The following SNX24 variants were observed in gnomAD, a reference collection of about 807,000 sequenced individuals.
The protein encoded by SNX24 is sorting nexin-24.
In SNX24, 22 loss-of-function variants were observed where a neutral mutation model predicts 28.7. That is an observed-to-expected ratio of 0.77 (90% CI 0.55 to 1.10). The LOEUF (loss-of-function observed/expected upper bound fraction) is 1.10, where lower values mean the gene tolerates loss of function less well. Among genes scored for constraint, SNX24 ranks in the 50% least tolerant of loss-of-function variants. The pLI is 0.00. For synonymous variants in SNX24, 69 were observed against 71.5 expected, an observed-to-expected ratio of 0.96 and a Z score of 0.18; for missense variants, 221 against 201.1, an observed-to-expected ratio of 1.10 and a Z score of -0.60.
chr5:122,965,433 C>T (rs942724329), intron 3 of SNX24: 1 of 455,002 alleles, frequency 2.2e-6, no homozygotes, highest in Non-Finnish European at 4.4e-6. Flanking sequence ...TTGTTTTGTT[C>T]CCTCCCAAGA....
intron 3 of SNX24, among the ~76,000 whole-genome samples, chr5:122,965,930 C>G (rs1030244631): frequency 6.6e-6 from 1 of 152,126 alleles, no homozygotes; most frequent in Non-Finnish European, 1.5e-5. Flanking sequence ...GCAATTAGTT[C>G]TAGATTTCTT....
At chr5:122,943,665 A>G (rs1337719269) in intron 2 of SNX24, among the ~76,000 whole-genome samples, 1 of 152,142 alleles carries the variant, frequency 6.6e-6, no homozygotes, top group Non-Finnish European at 1.5e-5. Flanking sequence ...GGTCCTAGCC[A>G]TGTGGCTCTC....
At chr5:122,947,452 T>TAGG (rs1181615673) in intron 3 of SNX24, among the ~76,000 whole-genome samples, 3 of 152,158 alleles carry the variant, frequency 2.0e-5, no homozygotes, top group Non-Finnish European at 4.4e-5. Flanking sequence ...AGTGCTCTAA[T>TAGG]AGGAAAGCTG....
chr5:122,974,251 A>G lies in SNX24; in HGVS notation c.250-25661A>G, dbSNP rs560899128. Among the ~76,000 whole-genome samples, 152 of 152,124 alleles carry G rather than the reference A, an allele frequency of 1.0e-3. 2 individuals are homozygous for G. Among genetic ancestry groups the G allele is most frequent in the African/African-American group, 3.6e-3 (150 of 41,500 alleles). On this transcript the variant is annotated intron_variant, in intron 3 of 6. Transcript: ENST00000261369. ...GAATTTTAGTCAGATTTATTTCTCA[A>G]CCTCTGGCATGCAAGTGTCTCACCA...
rs1219661976 is a variant in SNX24 at position 122,887,861 on chromosome 5, C to A, written c.60+42168C>A. On this transcript the variant is annotated intron_variant, in intron 1 of 6. Transcript: ENST00000261369. ...GGGATTACAAGCACCTGTTACCATG[C>A]CCAGTTAATTTTTATATTTTCAGTA... Among the ~76,000 whole-genome samples the A allele has an allele frequency of 3.3e-5, 5 of 152,256 alleles. No individual in the cohort carries two copies. In the East Asian group the frequency reaches 9.6e-4, roughly 29 times the overall value.
At chr5:122,984,924 G>A (rs987337183) in intron 3 of SNX24, among the ~76,000 whole-genome samples, 6 of 151,064 alleles carry the variant, frequency 4.0e-5, no homozygotes, top group South Asian at 2.1e-4. Flanking sequence ...ATGAAAAAAC[G>A]AAAAAGAAAA....
intron 3 of SNX24, among the ~76,000 whole-genome samples, chr5:122,957,280 C>G (rs1760254753): frequency 6.6e-6 from 1 of 152,170 alleles, no homozygotes; most frequent in Non-Finnish European, 1.5e-5. Flanking sequence ...ATTATCTTTA[C>G]CCATTTGAAT....
At chr5:122,940,909 TG>T (rs1759417412) in intron 2 of SNX24, among the ~76,000 whole-genome samples, 1 of 152,214 alleles carries the variant, frequency 6.6e-6, no homozygotes, top group Admixed American at 6.5e-5. Context: ...GAGTCTTTTC[TG>T]GGTTCTAGAA....
rs1210416637 is a variant in SNX24 at position 122,845,684 on chromosome 5, G to T, written c.51G>T (p.Arg17=). The part of the protein sequence containing the change: ...SFRYEESDLE[R]GYTVFKIEVL... ...GCTATGAAGAGAGCGACCTGGAGCGGGGATACACGGTAGGCGCGGGCCGCG... is the reference window on the plus strand; with the variant it reads ...GCTATGAAGAGAGCGACCTGGAGCGTGGATACACGGTAGGCGCGGGCCGCG... Residue 17 remains arginine, a synonymous_variant, in exon 1 of 7, where the codon CGG becomes CGT. Coordinates refer to ENST00000261369, the MANE Select transcript of SNX24 (RefSeq NM_014035.4). The T allele has an allele frequency of 7.1e-7, 1 of 1,415,968 alleles. No homozygotes were observed. Among genetic ancestry groups the T allele is most frequent in the Non-Finnish European group, 9.3e-7 (1 of 1,075,064 alleles). 87.7% of individuals were successfully genotyped at this position (1,415,968 alleles called of 1,614,324 possible). A position where few individuals can be genotyped will look rare whatever the true frequency, so the allele number is the denominator to read the frequency against.
intron 2 of SNX24, among the ~76,000 whole-genome samples, chr5:122,942,841 C>G (rs1759519248): frequency 1.3e-5 from 2 of 152,184 alleles, no homozygotes; most frequent in Admixed American, 1.3e-4. Context: ...ATTCATTACT[C>G]ACCTACAAAT....
chr5:122,901,334 CTG>C (rs1384710552), intron 1 of SNX24, among the ~76,000 whole-genome samples: 1 of 152,078 alleles, frequency 6.6e-6, no homozygotes, highest in African/African-American at 2.4e-5. Context: ...TATGCATTGA[CTG>C]TGGGGGACAA....
chr5:122,951,614 T>C (rs1414286794), intron 3 of SNX24, among the ~76,000 whole-genome samples: 1 of 152,144 alleles, frequency 6.6e-6, no homozygotes, highest in Non-Finnish European at 1.5e-5. Flanking sequence ...GAGACTCCAC[T>C]GAAATGAAAG....
chr5:122,910,716 G>A (rs1757846076), intron 1 of SNX24, among the ~76,000 whole-genome samples: 1 of 148,504 alleles, frequency 6.7e-6, no homozygotes, highest in Non-Finnish European at 1.5e-5. Context: ...AGAACATGTG[G>A]TGTTTCGTTT....
intron 1 of SNX24, among the ~76,000 whole-genome samples, chr5:122,905,528 A>G (rs1463535133): frequency 1.3e-5 from 2 of 152,200 alleles, no homozygotes; most frequent in Non-Finnish European, 2.9e-5. Context: ...CTCAAAGGAA[A>G]TGTTCACTGG....
At chr5:122,918,129 C>T (rs1758261330) in intron 1 of SNX24, among the ~76,000 whole-genome samples, 1 of 152,102 alleles carries the variant, frequency 6.6e-6, no homozygotes, top group Admixed American at 6.5e-5. Flanking sequence ...TGCCAACAGG[C>T]TGGGCCTGGT....
intron 1 of SNX24, among the ~76,000 whole-genome samples, chr5:122,845,903 C>T (rs548929369): frequency 2.6e-5 from 4 of 151,998 alleles, no homozygotes; most frequent in Admixed American, 2.6e-4. Context: ...GCGCCCCTAG[C>T]CCCTCGGGGT....
intron 2 of SNX24, among the ~76,000 whole-genome samples, chr5:122,943,128 A>G (rs138686775): frequency 1.3e-5 from 2 of 152,254 alleles, no homozygotes; most frequent in African/African-American, 4.8e-5. Flanking sequence ...CAGTATAGAG[A>G]TTAAATATGT....
At chr5:122,916,022 C>T (rs246303) in intron 1 of SNX24, among the ~76,000 whole-genome samples, 1 of 152,182 alleles carries the variant, frequency 6.6e-6, no homozygotes, top group African/African-American at 2.4e-5. Context: ...GAAGATGATT[C>T]ATTGTGTCCT....
intron 3 of SNX24, among the ~76,000 whole-genome samples, chr5:122,992,048 G>T (rs1212396509): frequency 1.3e-5 from 2 of 152,172 alleles, no homozygotes; most frequent in African/African-American, 2.4e-5. Context: ...GTGCTATTAT[G>T]CATGCAGTAA....
Sources: allele counts gnomAD v4.1 joint callset (sites outside exome capture counted in the v4.1 genomes callset), GRCh38; gene constraint gnomAD v4.1.1; transcripts MANE v1.5; gene names NCBI Gene and HGNC (gene_info 2026-07-23, HGNC 2026-07-21).